UBE2H: variants seen among roughly 807,000 people sequenced by gnomAD.
UBE2H encodes the protein ubiquitin-conjugating enzyme E2 H.
In UBE2H, 3 loss-of-function variants were observed where a neutral mutation model predicts 29.0. The ratio of observed to expected loss-of-function variants is 0.10; its 90% CI spans 0.05 to 0.27. The LOEUF (loss-of-function observed/expected upper bound fraction) is 0.27. Among genes scored for constraint, UBE2H ranks in the 10% least tolerant of loss-of-function variants. The probability of loss-of-function intolerance (pLI) is 1.00; values close to 1 mark genes in which losing one functional copy is unlikely to be tolerated. For synonymous variants in UBE2H, 69 were observed against 82.9 expected (o/e 0.83, Z 0.91); for missense variants, 68 against 228.2 (o/e 0.30, Z 4.52).
chr7:129,841,673 G>C (rs1359727908), intron 5 of UBE2H, among the ~76,000 whole-genome samples: 2 of 152,158 alleles, frequency 1.3e-5, no homozygotes, highest in South Asian at 2.1e-4. Context: ...TATTGACACA[G>C]AGCAGCTCTG....
intron 5 of UBE2H, among the ~76,000 whole-genome samples, chr7:129,842,114 T>G (rs547520481): frequency 3.3e-5 from 5 of 152,370 alleles, no homozygotes; most frequent in Admixed American, 3.3e-4. Flanking sequence ...ACTTCTACTT[T>G]TCACATTTCA....
chr7:129,940,616 A>G (rs865829291), intron 1 of UBE2H, among the ~76,000 whole-genome samples: 1 of 152,196 alleles, frequency 6.6e-6, no homozygotes, highest in South Asian at 2.1e-4. Context: ...ATACCTACAA[A>G]GCAGGGAGAG....
chr7:129,901,156 GA>G (rs1198875283), intron 1 of UBE2H, among the ~76,000 whole-genome samples: 2 of 152,156 alleles, frequency 1.3e-5, no homozygotes, highest in East Asian at 3.8e-4. Context: ...CCTCACCTCA[GA>G]CAGAACTGTC....
At chr7:129,855,379 A>C (rs542398038) in intron 5 of UBE2H, among the ~76,000 whole-genome samples, 19 of 152,252 alleles carry the variant, frequency 1.2e-4, no homozygotes, top group South Asian at 1.0e-3. Context: ...AAGAAAACAC[A>C]TCATTACATC....
At chr7:129,943,155 T>C (rs1807682062) in intron 1 of UBE2H, among the ~76,000 whole-genome samples, 2 of 152,052 alleles carry the variant, frequency 1.3e-5, no homozygotes, top group Non-Finnish European at 2.9e-5. Flanking sequence ...ATTCCTAAAG[T>C]GTAATTTCAA....
chr7:129,849,024 A>C lies in UBE2H; in HGVS notation c.298+8487T>G, dbSNP rs186881594. 4.6e-5 allele frequency among the ~76,000 whole-genome samples: 7 copies of C among 152,262 alleles called. No homozygotes were observed. In the East Asian group the frequency reaches 1.4e-3, roughly 29 times the overall value. On this transcript the variant is annotated intron_variant, in intron 5 of 6. Coordinates refer to ENST00000355621, the MANE Select transcript of UBE2H (RefSeq NM_003344.4). ...AAAGCAGCAATATTAATAATGGTTG[A>C]ATTTTTAATTTTATCCTGCTTGCAG...
chr7:129,874,173 A>C lies in UBE2H; in HGVS notation c.205+5395T>G, dbSNP rs75341244. Reference sequence around the variant, plus strand: ...AAATGTAAGATAAAATGACATCTTAATTTTATCTGGAATGCTAGTGTTTAA... The same window carrying C: ...AAATGTAAGATAAAATGACATCTTACTTTTATCTGGAATGCTAGTGTTTAA... On this transcript the variant is annotated intron_variant, in intron 3 of 6. Coordinates refer to ENST00000355621, the MANE Select transcript of UBE2H (RefSeq NM_003344.4). Among the ~76,000 whole-genome samples, 472 of 152,214 alleles carry C rather than the reference A, an allele frequency of 3.1e-3. 6 individuals are homozygous for C. The highest frequency in any genetic ancestry group is 0.011 in the African/African-American group (441 of 41,582).
chr7:129,894,602 C>G (rs775498048), intron 1 of UBE2H, among the ~76,000 whole-genome samples: 5 of 151,560 alleles, frequency 3.3e-5, no homozygotes, highest in Non-Finnish European at 7.4e-5. Context: ...ATTCTCCTGC[C>G]TCAGCCTCCC....
chr7:129,849,454 G>A (rs747356109), intron 5 of UBE2H, among the ~76,000 whole-genome samples: 15 of 151,840 alleles, frequency 9.9e-5, no homozygotes, highest in Non-Finnish European at 1.6e-4. Context: ...GGTGGGCGCC[G>A]GTAATCCCAG....
At chr7:129,846,892 C>T (rs1441661282) in intron 5 of UBE2H, among the ~76,000 whole-genome samples, 1 of 152,164 alleles carries the variant, frequency 6.6e-6, no homozygotes, top group African/African-American at 2.4e-5. Flanking sequence ...AAACAAATAA[C>T]AAAAAACTTA....
intron 1 of UBE2H, among the ~76,000 whole-genome samples, chr7:129,945,425 AC>A (rs1336453527): frequency 2.0e-5 from 3 of 152,226 alleles, no homozygotes; most frequent in Non-Finnish European, 4.4e-5. Context: ...ATCACAAAAA[AC>A]ATCAAAGTTT....
intron 1 of UBE2H, among the ~76,000 whole-genome samples, chr7:129,918,959 C>T (rs1284104741): frequency 1.3e-5 from 2 of 151,896 alleles, no homozygotes; most frequent in East Asian, 1.9e-4. Context: ...TAGTATACGC[C>T]TATAGTACCA....
chr7:129,950,028 T>C (rs80349960), intron 1 of UBE2H, among the ~76,000 whole-genome samples: 9,394 of 152,278 alleles, frequency 0.062, 362 homozygotes, highest in Non-Finnish European at 0.091. Flanking sequence ...TGGGGAATTT[T>C]TCCTTAAATT....
chr7:129,849,253 A>G (rs902449500), intron 5 of UBE2H, among the ~76,000 whole-genome samples: 15 of 152,206 alleles, frequency 9.9e-5, no homozygotes, highest in African/African-American at 2.9e-4. Flanking sequence ...TCAAAGAAAC[A>G]GTTTTGAGAT....
At position 129,833,624 on chromosome 7, in the gene UBE2H, T is replaced by C. The variant is rs545045455; in HGVS notation, c.*1313A>G. 6.6e-6 allele frequency: 1 copy of C among 152,338 alleles called. No homozygotes were observed. Among genetic ancestry groups the C allele is most frequent in the Non-Finnish European group, 1.5e-5 (1 of 68,026 alleles). The allele number at this position is 152,338 out of a possible 1,614,324, so 9.4% of individuals were successfully genotyped here. A position where few individuals can be genotyped will look rare whatever the true frequency, so the allele number is the denominator to read the frequency against. On this transcript the variant is annotated 3_prime_UTR_variant, in exon 7 of 7. Transcript: ENST00000355621. ...GAAAACATTTTCTTCCTGCAGGGCA[T>C]GTTCTACTACATCATATTTCTGAAT...
At chr7:129,835,596 G>C (rs1484418911) in intron 6 of UBE2H, among the ~76,000 whole-genome samples, 1 of 152,162 alleles carries the variant, frequency 6.6e-6, no homozygotes, top group Non-Finnish European at 1.5e-5. Context: ...GGACTAAGCT[G>C]CTATACGGAG....
chr7:129,835,152 C>A, intron 6 of UBE2H, 91 bp from the exon 7 acceptor site: 1 of 1,571,844 alleles, frequency 6.4e-7, no homozygotes, highest in South Asian at 1.1e-5. Flanking sequence ...TGCGGAGGTT[C>A]AAACTTACCT....
At chr7:129,897,476 T>C (rs111314577) in intron 1 of UBE2H, among the ~76,000 whole-genome samples, 3 of 152,208 alleles carry the variant, frequency 2.0e-5, no homozygotes, top group African/African-American at 7.2e-5. Context: ...TAATATCAAT[T>C]TAACCTTGAT....
At chr7:129,952,409 G>A in intron 1 of UBE2H, 94 bp downstream of exon 1, 1 of 1,495,130 alleles carries the variant, frequency 6.7e-7, no homozygotes, top group Non-Finnish European at 9.1e-7. Context: ...GTGGCCTGGA[G>A]TGCCCCAGGG....
Sources: gnomAD v4.1 joint callset for allele counts (sites outside exome capture counted in the v4.1 genomes callset) on GRCh38, gnomAD v4.1.1 for gene constraint, MANE v1.5 for transcripts, NCBI Gene and HGNC (gene_info 2026-07-23, HGNC 2026-07-21) for gene names.